PARVA: variants seen among roughly 807,000 people sequenced by gnomAD.
The protein encoded by PARVA is parvin alpha, also known as alpha-parvin.
Under a neutral mutation model 52.6 loss-of-function variants are expected in PARVA, and 25 were observed. The ratio of observed to expected loss-of-function variants is 0.48; its 90% CI spans 0.35 to 0.66. The LOEUF is 0.66. Ranked by LOEUF, PARVA falls within the 30% of genes least tolerant of loss-of-function variation. PARVA has a pLI of 0.01. For synonymous variants in PARVA, 185 were observed against 179.1 expected (o/e 1.03, Z -0.26); for missense variants, 373 against 450.9 (o/e 0.83, Z 1.56).
rs181886733 is a variant in PARVA at position 12,531,951 on chromosome 11, T to C, written c.*4026T>C. 6.8e-4 allele frequency among the ~76,000 whole-genome samples: 104 copies of C among 152,238 alleles called. No homozygotes were observed. The highest frequency in any genetic ancestry group is 2.4e-3 in the African/African-American group (100 of 41,528). On this transcript the variant is annotated 3_prime_UTR_variant, in exon 13 of 13. Coordinates refer to ENST00000334956, the MANE Select transcript of PARVA (RefSeq NM_018222.5). ...AAAAGTCAGTATGAGTTACTCACAATCCTAACTACAAAGGCTACATTTACA... is the reference window on the plus strand; with the variant it reads ...AAAAGTCAGTATGAGTTACTCACAACCCTAACTACAAAGGCTACATTTACA...
rs368482148 is a variant in PARVA at position 12,463,828 on chromosome 11, A to C, written c.137-9917A>C. Among the ~76,000 whole-genome samples, 107 of 152,288 alleles carry C rather than the reference A, an allele frequency of 7.0e-4. 2 individuals carry two copies. In the South Asian group the frequency reaches 0.016, roughly 22 times the overall value. ...TATCACTATGGATTCACAGACATTT[A>C]TTTTATCTGTGGGCTTCAGATTGTT... is the stretch of plus-strand genomic sequence containing the variant. On this transcript the variant is annotated intron_variant, in intron 1 of 12. Transcript: ENST00000334956.
intron 4 of PARVA, among the ~76,000 whole-genome samples, chr11:12,491,896 A>T (rs1039656283): frequency 1.3e-5 from 2 of 152,216 alleles, no homozygotes; most frequent in African/African-American, 4.8e-5. Context: ...TCAACTGCTC[A>T]TGGAACACTT....
At chr11:12,488,311 T>C (rs1941188348) in intron 4 of PARVA, among the ~76,000 whole-genome samples, 1 of 152,228 alleles carries the variant, frequency 6.6e-6, no homozygotes, top group South Asian at 2.1e-4. Context: ...ATCTTATTGG[T>C]ACCTCATGCT....
intron 12 of PARVA, among the ~76,000 whole-genome samples, chr11:12,523,243 G>A (rs568024644): frequency 6.6e-6 from 1 of 152,074 alleles, no homozygotes; most frequent in Non-Finnish European, 1.5e-5. Context: ...TAGAGAGCAG[G>A]TAGAGATGCG....
chr11:12,464,225 TAGAG>T (rs149546108), intron 1 of PARVA, among the ~76,000 whole-genome samples: 2,644 of 152,272 alleles, frequency 0.017, 94 homozygotes, highest in African/African-American at 0.06. Context: ...TAGAAATACT[TAGAG>T]AGATATACAC....
chr11:12,424,437 T>G (rs747771018), intron 1 of PARVA, among the ~76,000 whole-genome samples: 12 of 152,204 alleles, frequency 7.9e-5, no homozygotes, highest in Non-Finnish European at 1.3e-4. Flanking sequence ...CAAAGTGAAG[T>G]CTCTAAGACT....
chr11:12,378,023 G>A (rs1939428466), intron 1 of PARVA, among the ~76,000 whole-genome samples: 1 of 149,228 alleles, frequency 6.7e-6, no homozygotes, highest in South Asian at 2.1e-4. Context: ...CCCGGGCGCT[G>A]CCCTCCTGGG....
intron 1 of PARVA, 26 bp downstream of exon 1, chr11:12,377,809 G>C (rs1429976444): frequency 6.8e-7 from 1 of 1,469,800 alleles, no homozygotes. Context: ...CCGGCCGGGC[G>C]GGCGGTAGGA....
intron 4 of PARVA, chr11:12,480,041 T>C (rs1941066537): frequency 6.6e-6 from 1 of 152,164 alleles, no homozygotes; most frequent in South Asian, 2.1e-4. Flanking sequence ...CTGGTCAACA[T>C]GGTGAAACCC....
chr11:12,447,621 C>T (rs1040950200), intron 1 of PARVA, among the ~76,000 whole-genome samples: 1 of 152,202 alleles, frequency 6.6e-6, no homozygotes, highest in African/African-American at 2.4e-5. Flanking sequence ...CACATTTCAT[C>T]TTCTGTGTGA....
chr11:12,498,052 T>G (rs1169563624), intron 5 of PARVA, among the ~76,000 whole-genome samples: 1 of 152,174 alleles, frequency 6.6e-6, no homozygotes, highest in East Asian at 1.9e-4. Flanking sequence ...TATTTTTTTG[T>G]AGAGACAGAG....
In PARVA at chr11:12,529,394, G is replaced by A. The variant is rs1837678261; in HGVS notation, c.*1469G>A. 6.6e-6 allele frequency: 1 copy of A among 152,204 alleles called. No homozygotes were observed. Among genetic ancestry groups the A allele is most frequent in the South Asian group, 2.1e-4 (1 of 4,828 alleles). 9.4% of individuals were successfully genotyped at this position (152,204 alleles called of 1,614,324 possible). A position where few individuals can be genotyped will look rare whatever the true frequency, so the allele number is the denominator to read the frequency against. On this transcript the variant is annotated 3_prime_UTR_variant, in exon 13 of 13. Transcript: ENST00000334956. Reference sequence around the variant, plus strand: ...AATATTTGCACTCTAAACATACAGAGATAGAGGTGGGGCTTGTGGTACTTA... The same window carrying A: ...AATATTTGCACTCTAAACATACAGAAATAGAGGTGGGGCTTGTGGTACTTA...
chr11:12,497,712 C>A (rs1303134609), intron 5 of PARVA, among the ~76,000 whole-genome samples: 1 of 152,138 alleles, frequency 6.6e-6, no homozygotes, highest in Non-Finnish European at 1.5e-5. Flanking sequence ...GCCCTGGGCC[C>A]TAGATGCTAT....
intron 1 of PARVA, among the ~76,000 whole-genome samples, chr11:12,407,030 G>A (rs961994520): frequency 2.0e-5 from 3 of 151,966 alleles, no homozygotes; most frequent in Non-Finnish European, 4.4e-5. Context: ...TTCTTCTTAT[G>A]TATGTCTTAT....
intron 1 of PARVA, among the ~76,000 whole-genome samples, chr11:12,384,741 CATT>C (rs141100819): frequency 0.016 from 2,404 of 152,102 alleles, 55 homozygotes; most frequent in African/African-American, 0.054. Context: ...GGACCTGGTA[CATT>C]ATTGAGGACC....
At chr11:12,466,067 G>A (rs1940850626) in intron 1 of PARVA, among the ~76,000 whole-genome samples, 1 of 152,002 alleles carries the variant, frequency 6.6e-6, no homozygotes, top group African/African-American at 2.4e-5. Flanking sequence ...ATATCTCATT[G>A]GTGTTTTGTC....
At chr11:12,504,092 G>A (rs1941397243) in intron 5 of PARVA, among the ~76,000 whole-genome samples, 1 of 152,042 alleles carries the variant, frequency 6.6e-6, no homozygotes, top group South Asian at 2.1e-4. Flanking sequence ...TTATCACCAA[G>A]GGAATGGCAC....
At chr11:12,506,088 A>C (rs1193895248) in intron 6 of PARVA, among the ~76,000 whole-genome samples, 2 of 152,302 alleles carry the variant, frequency 1.3e-5, no homozygotes, top group Admixed American at 1.3e-4. Context: ...AGTATGTGTC[A>C]GGGCAGGGAA....
chr11:12,472,978 G>A (rs1940953464), intron 1 of PARVA, among the ~76,000 whole-genome samples: 1 of 152,150 alleles, frequency 6.6e-6, no homozygotes, highest in Non-Finnish European at 1.5e-5. Context: ...GTAATCTTTG[G>A]TAGTTTTTAC....
Sources: gnomAD v4.1 joint callset for allele counts (sites outside exome capture counted in the v4.1 genomes callset) on GRCh38, gnomAD v4.1.1 for gene constraint, MANE v1.5 for transcripts, NCBI Gene and HGNC (gene_info 2026-07-23, HGNC 2026-07-21) for gene names.